LHFPL3: variants seen among roughly 807,000 people sequenced by gnomAD.
The protein encoded by LHFPL3 is LHFPL tetraspan subfamily member 3 protein.
In LHFPL3, 5 loss-of-function variants were observed where a neutral mutation model predicts 19.3. The ratio of observed to expected loss-of-function variants is 0.26; its 90% CI spans 0.14 to 0.54. The LOEUF (loss-of-function observed/expected upper bound fraction) is 0.54, where lower values mean the gene tolerates loss of function less well. Among genes scored for constraint, LHFPL3 ranks in the 20% least tolerant of loss-of-function variants. LHFPL3 has a pLI of 0.94. For synonymous variants in LHFPL3, 133 were observed against 126.2 expected (o/e 1.05, Z -0.36); for missense variants, 249 against 307.4 (o/e 0.81, Z 1.42).
chr7:104,625,748 A>T (rs979556933), intron 1 of LHFPL3, among the ~76,000 whole-genome samples: 2 of 152,188 alleles, frequency 1.3e-5, no homozygotes, highest in Non-Finnish European at 2.9e-5. Flanking sequence ...ATGGCCACTT[A>T]AACTTGGAAC....
At chr7:104,821,903 C>T (rs1302606072) in intron 2 of LHFPL3, among the ~76,000 whole-genome samples, 1 of 152,168 alleles carries the variant, frequency 6.6e-6, no homozygotes, top group Non-Finnish European at 1.5e-5. Flanking sequence ...GAATTTGCCA[C>T]AAGTGTTAGA....
intron 1 of LHFPL3, among the ~76,000 whole-genome samples, chr7:104,439,230 C>A (rs1792171060): frequency 6.6e-6 from 1 of 152,114 alleles, no homozygotes; most frequent in South Asian, 2.1e-4. Context: ...CAGTTATGAG[C>A]CACTGTGCCC....
At chr7:104,561,859 C>G (rs1228047769) in intron 1 of LHFPL3, among the ~76,000 whole-genome samples, 1 of 152,116 alleles carries the variant, frequency 6.6e-6, no homozygotes, top group Non-Finnish European at 1.5e-5. Flanking sequence ...CCTTCAGGAG[C>G]TCTTGTAAGG....
intron 1 of LHFPL3, among the ~76,000 whole-genome samples, chr7:104,635,009 G>T (rs1791706036): frequency 6.6e-6 from 1 of 152,104 alleles, no homozygotes; most frequent in Admixed American, 6.6e-5. Flanking sequence ...GCTCAGAAAA[G>T]TAAAAGAAAT....
chr7:104,767,208 A>C (rs756507161), intron 2 of LHFPL3, among the ~76,000 whole-genome samples: 5 of 152,230 alleles, frequency 3.3e-5, no homozygotes, highest in Non-Finnish European at 5.9e-5. Context: ...GAAGACTAGC[A>C]GTGGTCATAT....
chr7:104,532,959 G>A (rs975933148), intron 1 of LHFPL3, among the ~76,000 whole-genome samples: 31 of 152,138 alleles, frequency 2.0e-4, no homozygotes, highest in African/African-American at 7.2e-4. Context: ...AATGTGTCAA[G>A]GAGGAGAGAG....
chr7:104,661,352 T>C (rs994316528), intron 1 of LHFPL3, among the ~76,000 whole-genome samples: 1 of 152,124 alleles, frequency 6.6e-6, no homozygotes, highest in Admixed American at 6.6e-5. Flanking sequence ...AGTTAAAACA[T>C]CCAGGGCAGT....
At chr7:104,447,727 G>A (rs1792356969) in intron 1 of LHFPL3, among the ~76,000 whole-genome samples, 1 of 152,048 alleles carries the variant, frequency 6.6e-6, no homozygotes, top group East Asian at 1.9e-4. Context: ...TTCCTATCTT[G>A]GACATTTAGG....
chr7:104,577,273 G>A (rs1206340759), intron 1 of LHFPL3, among the ~76,000 whole-genome samples: 3 of 152,118 alleles, frequency 2.0e-5, no homozygotes, highest in Admixed American at 6.6e-5. Context: ...TCAAGGAGAG[G>A]CACAAACCTT....
chr7:104,460,143 C>T (rs1462506284), intron 1 of LHFPL3, among the ~76,000 whole-genome samples: 2 of 152,050 alleles, frequency 1.3e-5, no homozygotes, highest in Non-Finnish European at 2.9e-5. Context: ...GGATAATGAC[C>T]CCCAGCTCCA....
At chr7:104,746,688 C>A (rs1345367745) in intron 2 of LHFPL3, among the ~76,000 whole-genome samples, 2 of 152,144 alleles carry the variant, frequency 1.3e-5, no homozygotes, top group African/African-American at 4.8e-5. Flanking sequence ...TGAGTTTGGG[C>A]AAACTTAAGT....
intron 1 of LHFPL3, among the ~76,000 whole-genome samples, chr7:104,539,203 A>C (rs1194900973): frequency 6.6e-6 from 1 of 152,186 alleles, no homozygotes; most frequent in Non-Finnish European, 1.5e-5. Context: ...TAGGTATGTG[A>C]TAATTTGTTA....
At chr7:104,831,614 C>G (rs1454512497) in intron 2 of LHFPL3, among the ~76,000 whole-genome samples, 1 of 151,824 alleles carries the variant, frequency 6.6e-6, no homozygotes, top group Admixed American at 6.6e-5. Context: ...CCACCAGACA[C>G]CCCAGTAAGA....
chr7:104,735,600 C>A (rs191980244), intron 1 of LHFPL3, among the ~76,000 whole-genome samples: 12 of 152,354 alleles, frequency 7.9e-5, no homozygotes, highest in African/African-American at 2.9e-4. Context: ...ACCCGATTTT[C>A]CAGGTGCCAT....
chr7:104,448,720 A>G (rs1792377056), intron 1 of LHFPL3, among the ~76,000 whole-genome samples: 1 of 152,200 alleles, frequency 6.6e-6, no homozygotes, highest in Non-Finnish European at 1.5e-5. Context: ...AGTGTTAGAG[A>G]TAACAGGACA....
chr7:104,898,656 G>A (rs1792416521), intron 2 of LHFPL3, among the ~76,000 whole-genome samples: 1 of 152,004 alleles, frequency 6.6e-6, no homozygotes, highest in South Asian at 2.1e-4. Flanking sequence ...ACATTTATGG[G>A]CCACGAAGCT....
intron 1 of LHFPL3, among the ~76,000 whole-genome samples, chr7:104,545,438 A>G (rs1350964277): frequency 6.6e-6 from 1 of 152,168 alleles, no homozygotes; most frequent in African/African-American, 2.4e-5. Flanking sequence ...CAAATTTATT[A>G]CCAGGCAGAT....
chr7:104,561,177 T>A (rs1789990031), intron 1 of LHFPL3, among the ~76,000 whole-genome samples: 3 of 151,846 alleles, frequency 2.0e-5, no homozygotes, highest in Non-Finnish European at 4.4e-5. Context: ...GGGTGGAGAG[T>A]TCTGTAATTG....
chr7:104,340,141 C>T (rs1471150881), intron 1 of LHFPL3, among the ~76,000 whole-genome samples: 1 of 152,116 alleles, frequency 6.6e-6, no homozygotes, highest in Non-Finnish European at 1.5e-5. Context: ...CTAATTTTGA[C>T]TTTTCATTTT....
Sources: gnomAD v4.1 joint callset for allele counts (sites outside exome capture counted in the v4.1 genomes callset) on GRCh38, gnomAD v4.1.1 for gene constraint, MANE v1.5 for transcripts, NCBI Gene and HGNC (gene_info 2026-07-23, HGNC 2026-07-21) for gene names.